The following PCDH15 variants were observed in gnomAD, a reference collection of about 807,000 sequenced individuals.
PCDH15 encodes the protein protocadherin-15.
PCDH15 carries 129 observed loss-of-function variants against 178.5 expected under a neutral mutation model. The observed-to-expected ratio is 0.72, with a 90% confidence interval of 0.63 to 0.84. The LOEUF is 0.84. Ranked by LOEUF, PCDH15 falls within the 40% of genes least tolerant of loss-of-function variation. The probability of loss-of-function intolerance (pLI) is 0.00; values close to 1 mark genes in which losing one functional copy is unlikely to be tolerated. For synonymous variants in PCDH15, 800 were observed against 732.0 expected (o/e 1.09, Z -1.50); for missense variants, 2,230 against 2,099.9 (o/e 1.06, Z -1.21).
intron 20 of PCDH15, among the ~76,000 whole-genome samples, chr10:54,010,088 G>A (rs780306486): frequency 4.6e-5 from 7 of 152,124 alleles, no homozygotes; most frequent in African/African-American, 9.7e-5. Context: ...TTCCTGGGTC[G>A]GGAGCAGCTC....
chr10:54,092,071 A>G (rs1013307781), intron 15 of PCDH15, among the ~76,000 whole-genome samples: 3 of 152,196 alleles, frequency 2.0e-5, no homozygotes, highest in Admixed American at 2.0e-4. Flanking sequence ...ACCTCAAAAA[A>G]TAAAAGAAAT....
intron 25 of PCDH15, among the ~76,000 whole-genome samples, chr10:53,927,313 C>T (rs1239063766): frequency 1.3e-5 from 2 of 152,110 alleles, no homozygotes; most frequent in Non-Finnish European, 2.9e-5. Flanking sequence ...TTCTTTACCA[C>T]TTTTACCTTT....
intron 2 of PCDH15, among the ~76,000 whole-genome samples, chr10:55,355,961 G>A (rs1396659567): frequency 6.6e-6 from 1 of 151,750 alleles, no homozygotes; most frequent in Admixed American, 6.6e-5. Context: ...CACACCCTTG[G>A]CTACTTTATC....
intron 2 of PCDH15, among the ~76,000 whole-genome samples, chr10:55,468,057 T>G (rs999094492): frequency 6.8e-6 from 1 of 147,602 alleles, no homozygotes; most frequent in Admixed American, 6.7e-5. Context: ...ACTGAGAGAA[T>G]CATATCCTCA....
At chr10:54,618,126 G>C (rs2093238860) in intron 2 of PCDH15, among the ~76,000 whole-genome samples, 1 of 151,966 alleles carries the variant, frequency 6.6e-6, no homozygotes, top group Non-Finnish European at 1.5e-5. Flanking sequence ...AGTATAATAT[G>C]AGAAGAGGTA....
chr10:54,292,576 T>C (rs992323804), intron 8 of PCDH15, among the ~76,000 whole-genome samples: 4 of 152,176 alleles, frequency 2.6e-5, no homozygotes, highest in South Asian at 2.1e-4. Context: ...GAAAGCCCCA[T>C]TGTCTCAGCC....
intron 18 of PCDH15, among the ~76,000 whole-genome samples, chr10:54,040,880 G>A (rs554044573): frequency 6.6e-6 from 1 of 152,124 alleles, no homozygotes. Context: ...GCCAATATAC[G>A]AAGATTTGGA....
Position 54,859,885 on chromosome 10 carries a change from C to A in PCDH15, c.-29+37565G>T, listed in dbSNP as rs1417371153. On this transcript the variant is annotated intron_variant, in intron 3 of 5. Coordinates refer to the PCDH15 transcript ENST00000458638. ...CATGTAAAGATCTCAGGATTTTTTTCTGTTCCAAATAATGTAATTCTCCAA... is the reference window on the plus strand; with the variant it reads ...CATGTAAAGATCTCAGGATTTTTTTATGTTCCAAATAATGTAATTCTCCAA... Among the ~76,000 whole-genome samples the A allele has an allele frequency of 2.6e-5, 4 of 151,792 alleles. No individual in the cohort carries two copies. In the East Asian group the frequency reaches 7.9e-4, roughly 30 times the overall value.
At position 54,210,877 on chromosome 10, in the gene PCDH15, A is replaced by C. The variant is rs140922178; in HGVS notation, c.1098+3059T>G. 2.1e-3 allele frequency among the ~76,000 whole-genome samples: 325 copies of C among 152,106 alleles called. 1 individual carries two copies. The highest frequency in any genetic ancestry group is 7.4e-3 in the African/African-American group (306 of 41,520). ...GGAAACATGAAACAATTATGCTTCTAATTTCATTGTGATCTTTGCTCTTCG... is the reference window on the plus strand; with the variant it reads ...GGAAACATGAAACAATTATGCTTCTCATTTCATTGTGATCTTTGCTCTTCG... On this transcript the variant is annotated intron_variant, in intron 10 of 37. Transcript: ENST00000644397.
chr10:54,083,575 G>A (rs1426686232), intron 16 of PCDH15, among the ~76,000 whole-genome samples: 1 of 152,124 alleles, frequency 6.6e-6, no homozygotes, highest in Non-Finnish European at 1.5e-5. Context: ...ATTCAAAGTA[G>A]GTAACTTGAT....
chr10:55,014,600 G>A (rs1319782272), intron 2 of PCDH15, among the ~76,000 whole-genome samples: 1 of 152,052 alleles, frequency 6.6e-6, no homozygotes, highest in African/African-American at 2.4e-5. Context: ...TTTAGAAAGA[G>A]GATGTTATAT....
chr10:54,461,761 T>C (rs902571918), intron 3 of PCDH15, among the ~76,000 whole-genome samples: 8 of 152,120 alleles, frequency 5.3e-5, no homozygotes, highest in Non-Finnish European at 1.0e-4. Flanking sequence ...ATAGTAAGAA[T>C]TTAATATTTA....
intron 2 of PCDH15, among the ~76,000 whole-genome samples, chr10:55,037,177 T>G (rs1373244598): frequency 6.6e-6 from 1 of 152,192 alleles, no homozygotes; most frequent in Admixed American, 6.5e-5. Flanking sequence ...AAAAATATCA[T>G]AAAGGATCTG....
At chr10:55,195,967 C>T (rs1840083923) in intron 1 of PCDH15, among the ~76,000 whole-genome samples, 1 of 152,034 alleles carries the variant, frequency 6.6e-6, no homozygotes, top group African/African-American at 2.4e-5. Context: ...CAGCATATCA[C>T]TGAAACAAAA....
chr10:55,089,200 C>A (rs1413419591), intron 2 of PCDH15, among the ~76,000 whole-genome samples: 1 of 152,146 alleles, frequency 6.6e-6, no homozygotes, highest in East Asian at 1.9e-4. Context: ...AGGCTCATTA[C>A]ATAATTAAAG....
chr10:54,345,409 G>A (rs1236048565), intron 6 of PCDH15, among the ~76,000 whole-genome samples: 2 of 152,052 alleles, frequency 1.3e-5, no homozygotes, highest in African/African-American at 4.8e-5. Flanking sequence ...AAACATAAAA[G>A]AGATGCATTC....
intron 3 of PCDH15, among the ~76,000 whole-genome samples, chr10:54,818,968 A>T (rs1952992304): frequency 6.6e-6 from 1 of 151,896 alleles, no homozygotes; most frequent in South Asian, 2.1e-4. Context: ...TTTGTTGTGC[A>T]GACTGAAGAG....
chr10:55,069,060 G>C (rs1841645479), intron 2 of PCDH15, among the ~76,000 whole-genome samples: 1 of 78,908 alleles, frequency 1.3e-5, no homozygotes. Flanking sequence ...ACCATGTCCA[G>C]CTATTTTTTT....
chr10:55,481,195 T>C (rs1840173428), intron 2 of PCDH15, among the ~76,000 whole-genome samples: 1 of 151,840 alleles, frequency 6.6e-6, no homozygotes, highest in Admixed American at 6.6e-5. Context: ...CCCCTTATCA[T>C]TTCTGATTGT....
Sources: gnomAD v4.1 joint callset for allele counts (sites outside exome capture counted in the v4.1 genomes callset) on GRCh38, gnomAD v4.1.1 for gene constraint, MANE v1.5 for transcripts, NCBI Gene and HGNC (gene_info 2026-07-23, HGNC 2026-07-21) for gene names.